Variants in NPR1 observed in about 807,000 individuals in gnomAD.
NPR1 encodes the protein atrial natriuretic peptide receptor 1.
NPR1 carries 57 observed loss-of-function variants against 116.9 expected under a neutral mutation model. The ratio of observed to expected loss-of-function variants is 0.49; its 90% CI spans 0.39 to 0.61. The LOEUF (loss-of-function observed/expected upper bound fraction) is 0.61. Among genes scored for constraint, NPR1 ranks in the 20% least tolerant of loss-of-function variants. NPR1 has a pLI of 0.00. For missense variants in NPR1, 1,096 were observed against 1,409.8 expected, an observed-to-expected ratio of 0.78 and a Z score of 3.56; for synonymous variants, 555 against 601.6, an observed-to-expected ratio of 0.92 and a Z score of 1.13.
At chr1:153,691,643 T>C (rs1670111484) in intron 20 of NPR1, among the ~76,000 whole-genome samples, 1 of 152,104 alleles carries the variant, frequency 6.6e-6, no homozygotes. Context: ...GTGCTTGTAA[T>C]CCCAGCACTT....
At chr1:153,690,403 G>A (rs1037193970) in intron 20 of NPR1, 21 bp downstream of exon 20, 1 of 1,530,042 alleles carries the variant, frequency 6.5e-7, no homozygotes, top group Non-Finnish European at 8.9e-7. Flanking sequence ...CCCTCCTAGA[G>A]GGAATGGGGA....
chr1:153,678,998 C>T lies in NPR1; in HGVS notation c.-111C>T. On this transcript the variant is annotated 5_prime_UTR_variant, in exon 1 of 22. Coordinates refer to ENST00000368680, the MANE Select transcript of NPR1 (RefSeq NM_000906.4). This position sits in a 1 kb window ranked among gnomAD's most constrained non-coding sequence, Gnocchi z 5.8. Reference sequence around the variant, plus strand: ...CCGGGGTGAGCGTCCCCGTCCCGCTCCTGCTCCTTCCCATAGGGACGCGCC... The same window carrying T: ...CCGGGGTGAGCGTCCCCGTCCCGCTTCTGCTCCTTCCCATAGGGACGCGCC... 9 of 1,289,034 alleles carry T rather than the reference C, an allele frequency of 7.0e-6. No individual in the cohort carries two copies. The highest frequency in any genetic ancestry group is 9.0e-6 in the Non-Finnish European group (9 of 999,858). The allele number at this position is 1,289,034 out of a possible 1,614,324, so 79.8% of individuals were successfully genotyped here. A position where few individuals can be genotyped will look rare whatever the true frequency, so the allele number is the denominator to read the frequency against.
At chr1:153,687,971 T>A in intron 14 of NPR1, 82 bp from the exon 15 acceptor site, 1 of 1,155,054 alleles carries the variant, frequency 8.7e-7, no homozygotes, top group Non-Finnish European at 1.3e-6. Flanking sequence ...GGACTTCCCC[T>A]GCCATCTCAG....
At position 153,690,141 on chromosome 1, in the gene NPR1, TCA is replaced by T. The variant is rs149726910; in HGVS notation, c.2933-118_2933-117del. 2.8e-3 allele frequency: 989 copies of T among 359,246 alleles called. 1 individual carries two copies. The highest frequency in any genetic ancestry group is 3.2e-3 in the Non-Finnish European group (686 of 211,740). 22.3% of individuals were successfully genotyped at this position (359,246 alleles called of 1,614,324 possible). On this transcript the variant is annotated intron_variant, in intron 19 of 21. Coordinates refer to ENST00000368680, the MANE Select transcript of NPR1 (RefSeq NM_000906.4). ...CTCTCTCTCTCTCTCTCTCTCTCTCTCACACACACACACACACACACACACAG... is the reference window on the plus strand; with the variant it reads ...CTCTCTCTCTCTCTCTCTCTCTCTCTCACACACACACACACACACACACAG...
At chr1:153,686,790 C>T in intron 11 of NPR1, 40 bp downstream of exon 11, 1 of 1,567,280 alleles carries the variant, frequency 6.4e-7, no homozygotes, top group Non-Finnish European at 8.8e-7. Context: ...TGGGTTCTAG[C>T]CCTGGCTCTG....
Position 153,685,667 on chromosome 1 carries a change from A to G in NPR1, c.1606-139A>G. The stretch of plus-strand genomic sequence containing the variant: ...TGACACAATGATACTACATCTCAAA[A>G]AAAAACCCAACAACAAAAAGGAAGG... On this transcript the variant is annotated intron_variant, in intron 8 of 21. Coordinates refer to ENST00000368680, the MANE Select transcript of NPR1 (RefSeq NM_000906.4). 1.3e-5 allele frequency: 9 copies of G among 697,708 alleles called. No homozygotes were observed. The South Asian group carries it at 1.7e-4, about 13-fold the overall frequency. The allele number at this position is 697,708 out of a possible 1,614,324, so 43.2% of individuals were successfully genotyped here. A position where few individuals can be genotyped will look rare whatever the true frequency, so the allele number is the denominator to read the frequency against.
chr1:153,692,597 C>T (rs982742190), intron 20 of NPR1, among the ~76,000 whole-genome samples: 1 of 151,802 alleles, frequency 6.6e-6, no homozygotes, highest in Non-Finnish European at 1.5e-5. Flanking sequence ...ACTGCAACCT[C>T]CGCCTCCCAG....
In NPR1 at chr1:153,688,996, G is replaced by C; in HGVS notation, c.2461G>C (p.Glu821Gln). 6.2e-7 allele frequency: 1 copy of C among 1,614,174 alleles called. No individual in the cohort carries two copies. Among genetic ancestry groups the C allele is most frequent in the South Asian group, 1.1e-5 (1 of 91,084 alleles). ...CCTGGACAACCTGCTGTCCCGCATG[G>C]AGCAGTACGCGAACAATCTGGAGGA... is the stretch of plus-strand genomic sequence containing the variant. ...NILDNLLSRM[E>Q]QYANNLEELV... Residue 821 changes from glutamate (E) to glutamine (Q), a missense_variant, in exon 16 of 22, where the codon GAG (glutamate) becomes CAG (glutamine). Physicochemically the swap from Glu to Gln is conservative, Grantham distance 29. Transcript: ENST00000368680.
chr1:153,679,662 T>G lies in NPR1; in HGVS notation c.554T>G (p.Leu185Arg). Residue 185 changes from leucine to arginine, a missense_variant, in exon 1 of 22, where the codon CTC (leucine) becomes CGC (arginine). By Grantham distance (102) the Leu-to-Arg change is moderately radical. Coordinates refer to ENST00000368680, the MANE Select transcript of NPR1 (RefSeq NM_000906.4). The surrounding 1 kb of genome is among the most constrained non-coding windows in gnomAD (Gnocchi z 4.2). ...GGCTGGGAGCGCCAAGCGCTCATGC[T>G]CTACGCCTACCGGCCGGGTGACGAA... is the stretch of plus-strand genomic sequence containing the variant. The part of the protein sequence containing the change: ...RLGWERQALM[L>R]YAYRPGDEEH... 6.2e-7 allele frequency: 1 copy of G among 1,607,472 alleles called. No homozygotes were observed. Among genetic ancestry groups the G allele is most frequent in the Non-Finnish European group, 8.5e-7 (1 of 1,178,496 alleles).
Position 153,688,044 on chromosome 1 carries a change from C to T in NPR1, c.2249-9C>T, listed in dbSNP as rs143506488. The T allele has an allele frequency of 1.9e-6, 3 of 1,598,324 alleles. No individual in the cohort carries two copies. The highest frequency in any genetic ancestry group is 2.6e-6 in the Non-Finnish European group (3 of 1,169,996). ...CCCACCCCTCAGCTCCTCTACCCCC[C>T]CAATACAGAGATCATCGAGCGGGTG... On this transcript the variant is annotated splice_polypyrimidine_tract_variant and intron_variant, in intron 14 of 21. Coordinates refer to ENST00000368680, the MANE Select transcript of NPR1 (RefSeq NM_000906.4).
intron 20 of NPR1, 88 bp from the exon 21 acceptor site, chr1:153,693,018 C>A: frequency 1.9e-6 from 2 of 1,067,344 alleles, no homozygotes; most frequent in East Asian, 2.4e-5. Flanking sequence ...CACCTGTCCA[C>A]CCCCACAGTC....
Position 153,680,690 on chromosome 1 carries a change from A to G in NPR1, c.911A>G (p.Gln304Arg), listed in dbSNP as rs991611087. 1 of 1,613,060 alleles carries G rather than the reference A, an allele frequency of 6.2e-7. No individual in the cohort carries two copies. Among genetic ancestry groups the G allele is most frequent in the Admixed American group, 1.7e-5 (1 of 59,970 alleles). ...RGDGQDVSAR[Q>R]AFQAAKIITY... ...GATGGGCAGGATGTCAGTGCCCGCC[A>G]GGCCTTTCAGGTGAGTACCTAGGTT... Residue 304 changes from glutamine (Q) to arginine (R), a missense_variant, in exon 2 of 22, where the codon CAG (glutamine) becomes CGG (arginine). Gln to Arg is a conservative substitution (Grantham distance 43). Transcript: ENST00000368680.
rs369016460 is a variant in NPR1, at chr1:153,685,051, G to A, written c.1572G>A (p.Leu524=). 1 of 1,614,050 alleles carries A rather than the reference G, an allele frequency of 6.2e-7. No individual in the cohort carries two copies. The highest frequency in any genetic ancestry group is 8.5e-7 in the Non-Finnish European group (1 of 1,180,022). ...AGCCCAGTAGCCTTGAGAGGCACCT[G>A]CGGAGTGCAGGCAGCCGGCTGACCC... ...DVEPSSLERH[L]RSAGSRLTLS... The change falls in exon 8 of 22, where the codon CTG becomes CTA. Residue 524 remains leucine, a synonymous_variant. Coordinates refer to ENST00000368680, the MANE Select transcript of NPR1 (RefSeq NM_000906.4).
rs761085938 is a variant in NPR1 at position 153,688,953 on chromosome 1, G to A, written c.2418G>A (p.Arg806=). The change falls in exon 16 of 22, where the codon AGG becomes AGA. Residue 806 remains arginine (R), a splice_region_variant and synonymous_variant. Coordinates refer to ENST00000368680, the MANE Select transcript of NPR1 (RefSeq NM_000906.4). ...QIRLTLRKFN[R]ENSSNILDNL... ...CCCCACCGCCACCCTCTGCCCCCAGGGAGAACAGCAGCAACATCCTGGACA... is the reference window on the plus strand; with the variant it reads ...CCCCACCGCCACCCTCTGCCCCCAGAGAGAACAGCAGCAACATCCTGGACA... 6.2e-7 allele frequency: 1 copy of A among 1,614,040 alleles called. No homozygotes were observed. Among genetic ancestry groups the A allele is most frequent in the Non-Finnish European group, 8.5e-7 (1 of 1,179,978 alleles).
Position 153,693,174 on chromosome 1 carries a change from C to T in NPR1, c.3100C>T (p.Leu1034Phe), listed in dbSNP as rs116245325. Residue 1034 changes from leucine to phenylalanine, a missense_variant, in exon 21 of 22, where the codon CTT becomes TTT. Physicochemically the swap from Leu to Phe is conservative, Grantham distance 22 (BLOSUM62 0). Transcript: ENST00000368680. ...GGAGTTTGGTGGTTTCGAGCTGGAG[C>T]TTCGAGGGGATGTAGAAATGAAGGT... ...LEEFGGFELE[L>F]RGDVEMKGKG... The T allele has an allele frequency of 7.1e-4, 1,144 of 1,614,008 alleles. 1 individual carries two copies. The highest frequency in any genetic ancestry group is 1.8e-3 in the Admixed American group (107 of 59,972).
At chr1:153,688,001 A>G (rs893996229) in intron 14 of NPR1, 52 bp from the exon 15 acceptor site, 2 of 1,349,366 alleles carry the variant, frequency 1.5e-6, no homozygotes, top group Non-Finnish European at 2.1e-6. Flanking sequence ...CCAGTCTCTC[A>G]CTAGGCCCTT....
intron 7 of NPR1, among the ~76,000 whole-genome samples, chr1:153,684,538 C>T (rs1044066539): frequency 6.6e-6 from 1 of 151,856 alleles, no homozygotes; most frequent in African/African-American, 2.4e-5. Flanking sequence ...ACTACAGGCA[C>T]ATGCCACCAC....
intron 20 of NPR1, 85 bp downstream of exon 20, chr1:153,690,467 C>A: frequency 1.0e-6 from 1 of 957,796 alleles, no homozygotes; most frequent in Non-Finnish European, 1.6e-6. Flanking sequence ...CCTGCACAGC[C>A]CGTTTCAGCT....
rs577727656 is a variant in NPR1, at chr1:153,684,954, C to T, written c.1485-10C>T. ...CAGCCACAGGCTCAGATGCAGCCTTCGTATCCCAGGAAGATGCAGCTGGAG... is the reference window on the plus strand; with the variant it reads ...CAGCCACAGGCTCAGATGCAGCCTTTGTATCCCAGGAAGATGCAGCTGGAG... On this transcript the variant is annotated splice_polypyrimidine_tract_variant and intron_variant, in intron 7 of 21. Transcript: ENST00000368680. 207 of 1,613,946 alleles carry T rather than the reference C, an allele frequency of 1.3e-4. No individual in the cohort carries two copies. Among genetic ancestry groups the T allele is most frequent in the Middle Eastern group, 6.6e-4 (4 of 6,040 alleles).
Sources: gnomAD v4.1 joint callset for allele counts (sites outside exome capture counted in the v4.1 genomes callset) on GRCh38, gnomAD v4.1.1 for gene constraint, Gnocchi (gnomAD v3.1) non-coding constraint, MANE v1.5 for transcripts, NCBI Gene and HGNC (gene_info 2026-07-23, HGNC 2026-07-21) for gene names.